The following CACNB4 variants were observed in gnomAD, a reference collection of about 807,000 sequenced individuals.
CACNB4 encodes voltage-dependent L-type calcium channel subunit beta-4.
Under a neutral mutation model 71.2 loss-of-function variants are expected in CACNB4, and 32 were observed. The observed-to-expected ratio is 0.45, with a 90% CI of 0.34 to 0.60. The LOEUF is 0.60. Among genes scored for constraint, CACNB4 ranks in the 20% least tolerant of loss-of-function variants. The probability of loss-of-function intolerance (pLI) is 0.01; values close to 1 mark genes in which losing one functional copy is unlikely to be tolerated. For missense variants in CACNB4, 464 were observed against 647.9 expected (o/e 0.72, Z 3.08); for synonymous variants, 231 against 236.9 (o/e 0.97, Z 0.23).
In CACNB4 at chr2:152,032,754, A is replaced by T. The variant is rs971080979; in HGVS notation, c.147+65576T>A. Among the ~76,000 whole-genome samples the T allele has an allele frequency of 2.0e-5, 3 of 150,968 alleles. No individual in the cohort carries two copies. The South Asian group carries it at 6.3e-4, about 32-fold the overall frequency. On this transcript the variant is annotated intron_variant, in intron 2 of 13. Transcript: ENST00000539935. The stretch of plus-strand genomic sequence containing the variant: ...GTTGAGGCAGGAAGATTACTTCAAG[A>T]CCACCCAGGGCAATATAGTGAGACC...
chr2:152,082,681 T>C (rs1199364664), intron 2 of CACNB4, among the ~76,000 whole-genome samples: 1 of 152,212 alleles, frequency 6.6e-6, no homozygotes, highest in Non-Finnish European at 1.5e-5. Flanking sequence ...TTAAGAAGTA[T>C]TCATTCAGGC....
At chr2:152,072,797 G>A (rs1254133423) in intron 2 of CACNB4, among the ~76,000 whole-genome samples, 4 of 151,098 alleles carry the variant, frequency 2.6e-5, no homozygotes, top group African/African-American at 9.7e-5. Context: ...CCCACCACCA[G>A]GCCCAGCTGA....
At chr2:152,004,532 T>TACATACACACAC (rs1345883391) in intron 2 of CACNB4, among the ~76,000 whole-genome samples, 33 of 149,418 alleles carry the variant, frequency 2.2e-4, no homozygotes, top group African/African-American at 7.6e-4. Context: ...TTTACATACA[T>TACATACACACAC]ACACACACAC....
chr2:151,887,479 A>G (rs1457263062), intron 2 of CACNB4, among the ~76,000 whole-genome samples: 1 of 151,952 alleles, frequency 6.6e-6, no homozygotes, highest in East Asian at 1.9e-4. Context: ...TTTTCCCTTT[A>G]GGGAATCTTC....
intron 2 of CACNB4, among the ~76,000 whole-genome samples, chr2:152,012,600 T>C (rs1300603268): frequency 2.1e-5 from 2 of 96,904 alleles, no homozygotes; most frequent in South Asian, 3.0e-4. Flanking sequence ...CGACGCTCCA[T>C]CTCAAAAAAA....
intron 2 of CACNB4, among the ~76,000 whole-genome samples, chr2:152,061,548 T>C (rs1455783865): frequency 6.6e-6 from 1 of 151,810 alleles, no homozygotes; most frequent in Non-Finnish European, 1.5e-5. Context: ...GCATATTACA[T>C]CAATTTCATA....
chr2:151,926,638 T>C (rs1224496318), intron 2 of CACNB4, among the ~76,000 whole-genome samples: 2 of 152,246 alleles, frequency 1.3e-5, no homozygotes, highest in African/African-American at 2.4e-5. Context: ...AATAATATAA[T>C]AGCAGCATCT....
At chr2:151,934,757 A>C (rs2099862517) in intron 2 of CACNB4, among the ~76,000 whole-genome samples, 1 of 152,134 alleles carries the variant, frequency 6.6e-6, no homozygotes, top group Non-Finnish European at 1.5e-5. Flanking sequence ...GAACTGCTTG[A>C]ACCCGGGAGG....
chr2:152,029,202 A>T (rs1684128832), intron 2 of CACNB4, among the ~76,000 whole-genome samples: 1 of 152,204 alleles, frequency 6.6e-6, no homozygotes, highest in African/African-American at 2.4e-5. Flanking sequence ...ATAAGAAAAG[A>T]AAGAGCCCAG....
chr2:152,090,131 A>G (rs1183279924), intron 2 of CACNB4, among the ~76,000 whole-genome samples: 1 of 152,222 alleles, frequency 6.6e-6, no homozygotes. Context: ...CAATGCCAAG[A>G]CCACACCCAG....
Position 151,848,512 on chromosome 2 carries a change from A to C in CACNB4, c.1116+4936T>G, listed in dbSNP as rs148324699. 3.9e-5 allele frequency among the ~76,000 whole-genome samples: 6 copies of C among 152,336 alleles called. No homozygotes were observed. In the East Asian group the frequency reaches 1.2e-3, roughly 29 times the overall value. On this transcript the variant is annotated intron_variant, in intron 12 of 13. Coordinates refer to ENST00000539935, the MANE Select transcript of CACNB4 (RefSeq NM_000726.5). ...TTACTACTGTGAGAGCAATATGATCAAGGATAACTGGGCACTATCATTCGC... is the reference window on the plus strand; with the variant it reads ...TTACTACTGTGAGAGCAATATGATCCAGGATAACTGGGCACTATCATTCGC...
At chr2:152,007,592 T>C (rs961971283) in intron 2 of CACNB4, among the ~76,000 whole-genome samples, 3 of 152,214 alleles carry the variant, frequency 2.0e-5, no homozygotes, top group Non-Finnish European at 4.4e-5. Flanking sequence ...TGTATGTGTA[T>C]CCTACATTTT....
At chr2:151,991,572 G>A (rs557431835) in intron 2 of CACNB4, among the ~76,000 whole-genome samples, 5 of 152,246 alleles carry the variant, frequency 3.3e-5, no homozygotes, top group Non-Finnish European at 5.9e-5. Flanking sequence ...GCCAAAAACT[G>A]AAAAATGGGG....
At chr2:152,054,556 G>A (rs1579210170) in intron 2 of CACNB4, among the ~76,000 whole-genome samples, 1 of 152,130 alleles carries the variant, frequency 6.6e-6, no homozygotes, top group East Asian at 1.9e-4. Context: ...AGGCTTTTGT[G>A]TGGACACATG....
At chr2:151,959,398 C>G (rs138759104) in intron 2 of CACNB4, among the ~76,000 whole-genome samples, 1 of 152,250 alleles carries the variant, frequency 6.6e-6, no homozygotes, top group East Asian at 1.9e-4. Flanking sequence ...ACAAGGTGTC[C>G]CATGCGTACC....
rs78867934 is a variant in CACNB4 at position 152,062,655 on chromosome 2, C to T, written c.147+35675G>A. ...TCTTCACGGAGCACTGAACGTGGAA[C>T]GGCTCTCTTTCCACCAGCTTTGGAG... On this transcript the variant is annotated intron_variant, in intron 2 of 13. Transcript: ENST00000539935. Among the ~76,000 whole-genome samples the T allele has an allele frequency of 1.0e-3, 155 of 152,238 alleles. 2 individuals are homozygous for T. The East Asian group carries it at 0.025, about 25-fold the overall frequency.
At chr2:151,933,122 G>C (rs990058583) in intron 2 of CACNB4, among the ~76,000 whole-genome samples, 7 of 151,166 alleles carry the variant, frequency 4.6e-5, no homozygotes, top group Admixed American at 1.3e-4. Flanking sequence ...GCAGCTCCAA[G>C]AAACTGATAT....
intron 2 of CACNB4, among the ~76,000 whole-genome samples, chr2:151,982,632 CAAA>C (rs1227164462): frequency 1.1e-4 from 7 of 63,986 alleles, no homozygotes; most frequent in Admixed American, 1.8e-4. Flanking sequence ...GACTCCGTCT[CAAA>C]AAAAAAAAAA....
intron 10 of CACNB4, chr2:151,857,196 C>T (rs1452045527): frequency 1.3e-5 from 2 of 152,204 alleles, no homozygotes; most frequent in South Asian, 2.1e-4. Flanking sequence ...ATACTCAAGA[C>T]TATCATGAAA....
Sources: gnomAD v4.1 joint callset for allele counts (sites outside exome capture counted in the v4.1 genomes callset) on GRCh38, gnomAD v4.1.1 for gene constraint, MANE v1.5 for transcripts, NCBI Gene and HGNC (gene_info 2026-07-23, HGNC 2026-07-21) for gene names.